Variants in CCBE1 observed in about 807,000 individuals in gnomAD.
The protein encoded by CCBE1 is collagen and calcium-binding EGF domain-containing protein 1.
A neutral mutation model predicts 50.0 loss-of-function variants in CCBE1; 37 were observed. The observed-to-expected ratio is 0.74, with a 90% CI of 0.57 to 0.97. The LOEUF (loss-of-function observed/expected upper bound fraction) is 0.97. CCBE1 is among the 50% of genes least tolerant of loss of function. The pLI is 0.00. For missense variants in CCBE1, 538 were observed against 523.8 expected, an observed-to-expected ratio of 1.03 and a Z score of -0.26; for synonymous variants, 234 against 203.7, an observed-to-expected ratio of 1.15 and a Z score of -1.27.
At chr18:59,474,704 T>G (rs1226566094) in intron 3 of CCBE1, among the ~76,000 whole-genome samples, 1 of 152,240 alleles carries the variant, frequency 6.6e-6, no homozygotes, top group East Asian at 1.9e-4. Flanking sequence ...ATATCCTGTC[T>G]GTATGGAGCA....
intron 2 of CCBE1, among the ~76,000 whole-genome samples, chr18:59,653,651 CA>C (rs2144671371): frequency 6.6e-6 from 1 of 152,256 alleles, no homozygotes; most frequent in Admixed American, 6.5e-5. Context: ...TCCATTTTCT[CA>C]ACATTGATGC....
At chr18:59,599,723 C>A (rs1192184098) in intron 2 of CCBE1, among the ~76,000 whole-genome samples, 2 of 152,134 alleles carry the variant, frequency 1.3e-5, no homozygotes, top group African/African-American at 4.8e-5. Flanking sequence ...ACCACAGGAG[C>A]AATAATTCCT....
chr18:59,469,465 C>CA lies in CCBE1; in HGVS notation c.400+7dup. On this transcript the variant is annotated splice_region_variant and intron_variant, in intron 4 of 10. Transcript: ENST00000439986. ...CAGAAGCTGGAAACAAGCACATTCC[C>CA]AACACACCCAGACAGTATGGCTTCT... 1.2e-6 allele frequency: 2 copies of CA among 1,614,184 alleles called. No individual in the cohort carries two copies. The highest frequency in any genetic ancestry group is 1.7e-6 in the Non-Finnish European group (2 of 1,180,022).
intron 4 of CCBE1, among the ~76,000 whole-genome samples, chr18:59,467,337 A>G (rs1410104523): frequency 6.6e-6 from 1 of 152,148 alleles, no homozygotes; most frequent in East Asian, 1.9e-4. Context: ...GTTTCCCTTT[A>G]TGGTATAGGT....
intron 2 of CCBE1, among the ~76,000 whole-genome samples, chr18:59,671,501 A>G (rs78608253): frequency 0.042 from 2,304 of 55,166 alleles, 66 homozygotes; most frequent in African/African-American, 0.23. Flanking sequence ...TTGTCTCAGA[A>G]AAAAAAAAAA....
intron 2 of CCBE1, among the ~76,000 whole-genome samples, chr18:59,651,820 T>G (rs1322849252): frequency 6.6e-6 from 1 of 152,236 alleles, no homozygotes; most frequent in Non-Finnish European, 1.5e-5. Flanking sequence ...CCAGTGCTTT[T>G]TGTGAAAGTG....
intron 2 of CCBE1, among the ~76,000 whole-genome samples, chr18:59,658,962 A>ATG (rs910330852): frequency 2.4e-4 from 36 of 151,630 alleles, no homozygotes; most frequent in African/African-American, 8.4e-4. Flanking sequence ...ATGAAATGAG[A>ATG]TGTGATGCTC....
At chr18:59,498,905 G>T (rs959619918) in intron 2 of CCBE1, among the ~76,000 whole-genome samples, 1 of 152,150 alleles carries the variant, frequency 6.6e-6, no homozygotes, top group African/African-American at 2.4e-5. Flanking sequence ...TTTTAATCTG[G>T]TCTCCTGATA....
At chr18:59,575,620 T>C (rs2052983746) in intron 2 of CCBE1, among the ~76,000 whole-genome samples, 1 of 152,202 alleles carries the variant, frequency 6.6e-6, no homozygotes, top group Non-Finnish European at 1.5e-5. Flanking sequence ...AGTTGACCCT[T>C]GTAGAGTCTT....
chr18:59,649,978 TC>T (rs1016794194), intron 2 of CCBE1, among the ~76,000 whole-genome samples: 1 of 151,934 alleles, frequency 6.6e-6, no homozygotes, highest in Non-Finnish European at 1.5e-5. Context: ...AGACAGGCCT[TC>T]CCCACTTGTT....
At chr18:59,573,113 T>A (rs1442995646) in intron 2 of CCBE1, among the ~76,000 whole-genome samples, 3 of 151,332 alleles carry the variant, frequency 2.0e-5, no homozygotes, top group Non-Finnish European at 2.9e-5. Flanking sequence ...GGTAAAACCC[T>A]GTCTCTACTA....
intron 2 of CCBE1, among the ~76,000 whole-genome samples, chr18:59,618,910 G>C (rs990609367): frequency 3.9e-5 from 6 of 152,230 alleles, no homozygotes; most frequent in African/African-American, 4.8e-5. Flanking sequence ...TTCGTGTATA[G>C]TGGAGAGAGA....
intron 2 of CCBE1, among the ~76,000 whole-genome samples, chr18:59,585,162 T>C (rs1026856793): frequency 6.6e-6 from 1 of 151,990 alleles, no homozygotes; most frequent in South Asian, 2.1e-4. Context: ...TCCCTCAATA[T>C]GGAATAGCCC....
At chr18:59,568,128 C>CA (rs1160054416) in intron 2 of CCBE1, 1 of 151,876 alleles carries the variant, frequency 6.6e-6, no homozygotes, top group African/African-American at 2.4e-5. Flanking sequence ...TGAATGTCTC[C>CA]AAGTCCTGAT....
intron 3 of CCBE1, among the ~76,000 whole-genome samples, chr18:59,474,272 T>C (rs1024177538): frequency 6.6e-6 from 1 of 152,252 alleles, no homozygotes; most frequent in Non-Finnish European, 1.5e-5. Flanking sequence ...CAAATGGTAG[T>C]TTCCCTCTAA....
chr18:59,686,537 C>T (rs1401834075), intron 2 of CCBE1, among the ~76,000 whole-genome samples: 2 of 152,234 alleles, frequency 1.3e-5, no homozygotes, highest in African/African-American at 4.8e-5. Context: ...TGAGTCCTCA[C>T]ACACAGGGCA....
At chr18:59,590,079 G>A (rs775121938) in intron 2 of CCBE1, among the ~76,000 whole-genome samples, 3 of 151,978 alleles carry the variant, frequency 2.0e-5, no homozygotes, top group African/African-American at 7.3e-5. Flanking sequence ...AATGTGAAAC[G>A]CGAATTTCCA....
intron 2 of CCBE1, among the ~76,000 whole-genome samples, chr18:59,663,162 T>C (rs1312472718): frequency 6.6e-6 from 1 of 152,174 alleles, no homozygotes; most frequent in Non-Finnish European, 1.5e-5. Flanking sequence ...CATGGAGCAA[T>C]TGCTGAGAGA....
At chr18:59,518,848 T>TG (rs1914481647) in intron 2 of CCBE1, among the ~76,000 whole-genome samples, 1 of 152,186 alleles carries the variant, frequency 6.6e-6, no homozygotes, top group African/African-American at 2.4e-5. Context: ...AACAGGAAAG[T>TG]GCCTGGGAAC....
Sources: gnomAD v4.1 joint callset for allele counts (sites outside exome capture counted in the v4.1 genomes callset) on GRCh38, gnomAD v4.1.1 for gene constraint, MANE v1.5 for transcripts, NCBI Gene and HGNC (gene_info 2026-07-23, HGNC 2026-07-21) for gene names.